ASZ1: variants seen among roughly 807,000 people sequenced by gnomAD.
ASZ1 encodes the protein ankyrin repeat, SAM and basic leucine zipper domain containing 1.
Under a neutral mutation model 61.8 loss-of-function variants are expected in ASZ1, and 67 were observed. The observed-to-expected ratio is 1.08, with a 90% CI of 0.89 to 1.33. The LOEUF (loss-of-function observed/expected upper bound fraction) is 1.33. Among genes scored for constraint, ASZ1 ranks in the 40% most tolerant of loss-of-function variants. The pLI, the probability that ASZ1 is intolerant of heterozygous loss-of-function variation, is 0.00. For synonymous variants in ASZ1, 193 were observed against 192.7 expected (o/e 1.00, Z -0.01); for missense variants, 577 against 554.5 (o/e 1.04, Z -0.41).
At chr7:117,383,789 AAC>A (rs1796298546) in intron 6 of ASZ1, among the ~76,000 whole-genome samples, 1 of 152,060 alleles carries the variant, frequency 6.6e-6, no homozygotes, top group Non-Finnish European at 1.5e-5. Flanking sequence ...CTCTACATTT[AAC>A]AATGTAATAA....
chr7:117,426,505 AAAAAAG>A (rs1562863977), intron 2 of ASZ1, among the ~76,000 whole-genome samples: 1 of 149,936 alleles, frequency 6.7e-6, no homozygotes, highest in Non-Finnish European at 1.5e-5. Flanking sequence ...AAAAAAAAAA[AAAAAAG>A]AAAAAGAAAA....
chr7:117,368,612 C>T lies in ASZ1; in HGVS notation c.1161G>A (p.Lys387=). The change falls in exon 11 of 13, where the codon AAG becomes AAA. Residue 387 remains lysine, a splice_region_variant and synonymous_variant. Transcript: ENST00000284629. Reference sequence around the variant, plus strand: ...TCACTTAATAACTTTTGTAGAATACCTTTTGAGAATTTACAGGTAACTCAG... The same window carrying T: ...TCACTTAATAACTTTTGTAGAATACTTTTTGAGAATTTACAGGTAACTCAG... ...VITELPVNSQ[K]ITLEWASPQN... 6.2e-7 allele frequency: 1 copy of T among 1,609,682 alleles called. No homozygotes were observed. The highest frequency in any genetic ancestry group is 8.5e-7 in the Non-Finnish European group (1 of 1,178,452).
chr7:117,409,364 G>C (rs944803955), intron 4 of ASZ1, among the ~76,000 whole-genome samples: 1 of 151,838 alleles, frequency 6.6e-6, no homozygotes, highest in African/African-American at 2.4e-5. Context: ...ATAGTTAAAA[G>C]TTAAACATAT....
intron 2 of ASZ1, 97 bp downstream of exon 2, chr7:117,426,739 G>T: frequency 9.5e-7 from 1 of 1,050,844 alleles, no homozygotes; most frequent in Non-Finnish European, 1.4e-6. Context: ...CATTTGTTGC[G>T]TTTCCATTAG....
At chr7:117,422,742 T>G (rs17139830) in intron 2 of ASZ1, among the ~76,000 whole-genome samples, 20,729 of 152,094 alleles carry the variant, frequency 0.14, 3,374 homozygotes, top group African/African-American at 0.4. Flanking sequence ...ATCTCTATGG[T>G]TGAAAATACC....
At chr7:117,420,364 C>A in intron 3 of ASZ1, 90 bp from the exon 4 acceptor site, 1 of 820,564 alleles carries the variant, frequency 1.2e-6, no homozygotes, top group South Asian at 1.9e-5. Context: ...TATTATTGCA[C>A]TCTAAAACTC....
At chr7:117,394,920 CCCTCTTTTA>C (rs1169479147) in intron 4 of ASZ1, among the ~76,000 whole-genome samples, 1 of 152,136 alleles carries the variant, frequency 6.6e-6, no homozygotes, top group Non-Finnish European at 1.5e-5. Context: ...GAAGGCAAAT[CCCTCTTTTA>C]TTGTTCAGGA....
intron 12 of ASZ1, among the ~76,000 whole-genome samples, chr7:117,365,662 G>T (rs1795923005): frequency 6.6e-6 from 1 of 152,136 alleles, no homozygotes; most frequent in South Asian, 2.1e-4. Flanking sequence ...ATGAAAAATG[G>T]CATGTTTAAG....
chr7:117,415,103 A>G (rs1264966048), intron 4 of ASZ1, among the ~76,000 whole-genome samples: 1 of 152,108 alleles, frequency 6.6e-6, no homozygotes, highest in East Asian at 1.9e-4. Flanking sequence ...TTACACTCCC[A>G]CCAACAGTAT....
At chr7:117,408,180 T>G (rs1796827365) in intron 4 of ASZ1, among the ~76,000 whole-genome samples, 1 of 152,106 alleles carries the variant, frequency 6.6e-6, no homozygotes, top group African/African-American at 2.4e-5. Context: ...TTTCTACCCT[T>G]TAATCATGTC....
chr7:117,396,264 C>T (rs550581841), intron 4 of ASZ1, among the ~76,000 whole-genome samples: 1 of 152,284 alleles, frequency 6.6e-6, no homozygotes, highest in Non-Finnish European at 1.5e-5. Flanking sequence ...TTATTATTAA[C>T]TACATCTTGT....
intron 2 of ASZ1, among the ~76,000 whole-genome samples, chr7:117,425,799 G>A (rs1360193833): frequency 1.3e-5 from 2 of 151,156 alleles, no homozygotes; most frequent in Non-Finnish European, 3.0e-5. Context: ...GACCAGCCTG[G>A]CCGACATGGT....
At chr7:117,367,513 C>T in intron 11 of ASZ1, 48 bp from the exon 12 acceptor site, 1 of 1,329,902 alleles carries the variant, frequency 7.5e-7, no homozygotes. Context: ...AAATAACTTT[C>T]TACAACTTTA....
intron 2 of ASZ1, among the ~76,000 whole-genome samples, chr7:117,426,363 G>A (rs539020127): frequency 2.7e-5 from 4 of 149,972 alleles, no homozygotes; most frequent in South Asian, 4.2e-4. Context: ...GGTGTCACGC[G>A]CTTGTAGTCC....
In ASZ1 at chr7:117,409,709, A is replaced by C. The variant is rs1452874843; in HGVS notation, c.440+10454T>G. Among the ~76,000 whole-genome samples the C allele has an allele frequency of 2.6e-5, 4 of 151,900 alleles. No individual in the cohort carries two copies. In the East Asian group the frequency reaches 7.7e-4, roughly 29 times the overall value. ...TTGAAAACAAATATGTATACGAGCTAAAACACTCATATGAAAACATATTTT... is the reference window on the plus strand; with the variant it reads ...TTGAAAACAAATATGTATACGAGCTCAAACACTCATATGAAAACATATTTT... On this transcript the variant is annotated intron_variant, in intron 4 of 12. Coordinates refer to ENST00000284629, the MANE Select transcript of ASZ1 (RefSeq NM_130768.3).
chr7:117,382,383 T>A (rs929416549), intron 7 of ASZ1, among the ~76,000 whole-genome samples: 1 of 152,052 alleles, frequency 6.6e-6, no homozygotes, highest in South Asian at 2.1e-4. Flanking sequence ...GTACTCCTTG[T>A]GAAATTTCTG....
chr7:117,426,807 T>C (rs934527043), intron 2 of ASZ1, 29 bp downstream of exon 2: 1 of 1,552,826 alleles, frequency 6.4e-7, no homozygotes, highest in African/African-American at 1.4e-5. Flanking sequence ...GACAGCTGTG[T>C]TCAGATGAAA....
chr7:117,417,466 T>C (rs961168614), intron 4 of ASZ1, among the ~76,000 whole-genome samples: 4 of 152,210 alleles, frequency 2.6e-5, no homozygotes, highest in Non-Finnish European at 1.5e-5. Context: ...TTTACAGGAA[T>C]CTAAAGCTCC....
chr7:117,388,174 T>C (rs1306412227), intron 4 of ASZ1, among the ~76,000 whole-genome samples: 1 of 152,140 alleles, frequency 6.6e-6, no homozygotes, highest in Non-Finnish European at 1.5e-5. Context: ...TTAAATTAAA[T>C]TTTCCACAAA....
Sources: allele counts gnomAD v4.1 joint callset (sites outside exome capture counted in the v4.1 genomes callset), GRCh38; gene constraint gnomAD v4.1.1; transcripts MANE v1.5; gene names NCBI Gene and HGNC (gene_info 2026-07-23, HGNC 2026-07-21).